The following TMEM87A variants were observed in gnomAD, a reference collection of about 807,000 sequenced individuals.
TMEM87A encodes transmembrane protein 87A, also known as Golgi-pH regulating cation channel.
A neutral mutation model predicts 90.0 loss-of-function variants in TMEM87A; 50 were observed. The observed-to-expected ratio is 0.56, with a 90% CI of 0.44 to 0.70. The LOEUF (loss-of-function observed/expected upper bound fraction) is 0.70, where lower values mean the gene tolerates loss of function less well. TMEM87A is among the 30% of genes least tolerant of loss of function. The pLI is 0.00. For missense variants in TMEM87A, 577 were observed against 660.5 expected (o/e 0.87, Z 1.39); for synonymous variants, 226 against 226.7 (o/e 1.00, Z 0.03).
At chr15:42,247,832 G>C (rs2051006827) in intron 6 of TMEM87A, among the ~76,000 whole-genome samples, 1 of 152,138 alleles carries the variant, frequency 6.6e-6, no homozygotes, top group Non-Finnish European at 1.5e-5. Context: ...GAAAGTCATT[G>C]GTAGCTTGAT....
Position 42,233,319 on chromosome 15 carries a change from C to G in TMEM87A, c.969-13G>C. 1 of 1,606,968 alleles carries G rather than the reference C, an allele frequency of 6.2e-7. No homozygotes were observed. Among genetic ancestry groups the G allele is most frequent in the South Asian group, 1.1e-5 (1 of 90,668 alleles). On this transcript the variant is annotated splice_polypyrimidine_tract_variant and intron_variant, in intron 10 of 19. Coordinates refer to ENST00000389834, the MANE Select transcript of TMEM87A (RefSeq NM_015497.5). ...TCCAAGGCGTGGCCTAAAGAGGAAGCAAGGAGATATTTGAGTACATATGGG... is the reference window on the plus strand; with the variant it reads ...TCCAAGGCGTGGCCTAAAGAGGAAGGAAGGAGATATTTGAGTACATATGGG...
chr15:42,271,737 G>A (rs1015821028), intron 2 of TMEM87A: 2 of 154,138 alleles, frequency 1.3e-5, no homozygotes, highest in Non-Finnish European at 2.9e-5. Flanking sequence ...AGTATCAACT[G>A]TAAATGTAAT....
intron 2 of TMEM87A, among the ~76,000 whole-genome samples, chr15:42,269,365 A>G (rs1452595275): frequency 6.6e-6 from 1 of 151,952 alleles, no homozygotes; most frequent in African/African-American, 2.4e-5. Flanking sequence ...TTTTTCTTTT[A>G]AACTGTTTTC....
chr15:42,231,145 A>T, intron 12 of TMEM87A, 47 bp downstream of exon 12: 2 of 1,287,798 alleles, frequency 1.6e-6, no homozygotes, highest in Non-Finnish European at 2.2e-6. Flanking sequence ...AACCCATCTC[A>T]AGGGGAGAAA....
At chr15:42,239,374 T>A (rs1175071341) in intron 8 of TMEM87A, among the ~76,000 whole-genome samples, 1 of 152,012 alleles carries the variant, frequency 6.6e-6, no homozygotes, top group Non-Finnish European at 1.5e-5. Context: ...TCAGAAACAA[T>A]AGAGTTGTAG....
intron 7 of TMEM87A, among the ~76,000 whole-genome samples, chr15:42,240,089 A>G (rs750619478): frequency 6.6e-6 from 1 of 152,108 alleles, no homozygotes; most frequent in Non-Finnish European, 1.5e-5. Context: ...TTCTAAACAT[A>G]CTTCATATAT....
In TMEM87A at chr15:42,261,274, C is replaced by T. The variant is rs528583599; in HGVS notation, c.406-25G>A. The T allele has an allele frequency of 3.7e-5, 59 of 1,603,906 alleles. 2 individuals carry two copies. The South Asian group carries it at 6.0e-4, about 16-fold the overall frequency. On this transcript the variant is annotated intron_variant, in intron 4 of 19. Coordinates refer to ENST00000389834, the MANE Select transcript of TMEM87A (RefSeq NM_015497.5). ...TCTATAAAAGAAACACAAAACAAAACATTAAAGGTGTGTAAATACTAGAAG... is the reference window on the plus strand; with the variant it reads ...TCTATAAAAGAAACACAAAACAAAATATTAAAGGTGTGTAAATACTAGAAG...
chr15:42,231,574 CCATCCTTAATCTAT>C (rs1196653287), intron 11 of TMEM87A, among the ~76,000 whole-genome samples: 1 of 152,032 alleles, frequency 6.6e-6, no homozygotes, highest in African/African-American at 2.4e-5. Flanking sequence ...TTTATAAGCC[CCATCCTTAATCTAT>C]CATTTCCTAT....
At chr15:42,265,263 T>C (rs2051380198) in intron 3 of TMEM87A, among the ~76,000 whole-genome samples, 1 of 152,228 alleles carries the variant, frequency 6.6e-6, no homozygotes, top group Non-Finnish European at 1.5e-5. Context: ...ATTCTGTTTT[T>C]AGCTCTTTGA....
chr15:42,254,264 T>C (rs1050387004), intron 6 of TMEM87A, among the ~76,000 whole-genome samples: 2 of 152,226 alleles, frequency 1.3e-5, no homozygotes, highest in African/African-American at 4.8e-5. Context: ...TCCCAAAACA[T>C]TGTTTTTGAT....
intron 7 of TMEM87A, among the ~76,000 whole-genome samples, chr15:42,241,295 C>A (rs1425880356): frequency 6.6e-6 from 1 of 152,112 alleles, no homozygotes; most frequent in African/African-American, 2.4e-5. Flanking sequence ...ACATAGAGAA[C>A]TATCCCTCTC....
At chr15:42,272,860 G>C (rs1465178307) in intron 1 of TMEM87A, 3 of 443,348 alleles carry the variant, frequency 6.8e-6, no homozygotes, top group South Asian at 3.3e-5. Context: ...GGAAGAAAAA[G>C]AAAGAAAGAA....
At chr15:42,261,085 C>T in intron 5 of TMEM87A, 83 bp from the exon 6 acceptor site, 8 of 1,519,244 alleles carry the variant, frequency 5.3e-6, no homozygotes, top group Non-Finnish European at 7.2e-6. Flanking sequence ...ACTGGGGAAG[C>T]CTGCTCCCCA....
chr15:42,253,232 A>C (rs1285714681), intron 6 of TMEM87A, among the ~76,000 whole-genome samples: 1 of 152,222 alleles, frequency 6.6e-6, no homozygotes, highest in South Asian at 2.1e-4. Context: ...ATGAAAGCTT[A>C]GGGTCATCTA....
Position 42,273,391 on chromosome 15 carries a change from G to T in TMEM87A, c.8C>A (p.Ala3Glu). The T allele has an allele frequency of 6.2e-7, 1 of 1,613,940 alleles. No homozygotes were observed. Residue 3 changes from alanine to glutamate, a missense_variant, in exon 1 of 20, where the codon GCG (alanine) becomes GAG (glutamate). Ala to Glu is a moderately radical substitution (Grantham distance 107). Coordinates refer to ENST00000389834, the MANE Select transcript of TMEM87A (RefSeq NM_015497.5). ...AGGCAACACCTGAAGCCACGCAGCC[G>T]CCGCCATCTTCACAGCCGTGGAGTG... MA[A>E]AAWLQVLPVI...
At chr15:42,237,709 T>TTTA in intron 8 of TMEM87A, 94 bp from the exon 9 acceptor site, 1 of 1,127,574 alleles carries the variant, frequency 8.9e-7, no homozygotes, top group Non-Finnish European at 1.2e-6. Context: ...TTTTTTTTTT[T>TTTA]AAGAGATGGG....
rs921403738 is a variant in TMEM87A at position 42,210,711 on chromosome 15, C to T, written c.*997G>A. ...AACCAATACCAGATACCAGAACAGTCCATCCTAAAGAACGAGCAGCAGTCC... is the reference window on the plus strand; with the variant it reads ...AACCAATACCAGATACCAGAACAGTTCATCCTAAAGAACGAGCAGCAGTCC... On this transcript the variant is annotated 3_prime_UTR_variant, in exon 20 of 20. Coordinates refer to ENST00000389834, the MANE Select transcript of TMEM87A (RefSeq NM_015497.5). 1 of 152,636 alleles carries T rather than the reference C, an allele frequency of 6.6e-6. No homozygotes were observed. The highest frequency in any genetic ancestry group is 1.9e-4 in the East Asian group (1 of 5,204). 9.5% of individuals were successfully genotyped at this position (152,636 alleles called of 1,614,324 possible).
At chr15:42,223,664 G>A (rs2050537797) in intron 15 of TMEM87A, among the ~76,000 whole-genome samples, 1 of 152,138 alleles carries the variant, frequency 6.6e-6, no homozygotes, top group South Asian at 2.1e-4. Context: ...TGCTGACACT[G>A]CGAGCCAACA....
intron 15 of TMEM87A, among the ~76,000 whole-genome samples, chr15:42,221,935 T>A (rs1394709274): frequency 6.6e-6 from 1 of 151,848 alleles, no homozygotes; most frequent in African/African-American, 2.4e-5. Flanking sequence ...CAATTTTTTT[T>A]GTAGAAATGG....
Sources: allele counts gnomAD v4.1 joint callset (sites outside exome capture counted in the v4.1 genomes callset), GRCh38; gene constraint gnomAD v4.1.1; transcripts MANE v1.5; gene names NCBI Gene and HGNC (gene_info 2026-07-23, HGNC 2026-07-21).